Variants in STIM1 observed in about 807,000 individuals in gnomAD.
STIM1 encodes the protein stromal interaction molecule 1.
In STIM1, 25 loss-of-function variants were observed where a neutral mutation model predicts 74.7. That is an observed-to-expected ratio of 0.33 (90% confidence interval 0.24 to 0.47). The LOEUF (loss-of-function observed/expected upper bound fraction) is 0.47. Ranked by LOEUF, STIM1 falls within the 20% of genes least tolerant of loss-of-function variation. The pLI is 1.00. For missense variants in STIM1, 728 were observed against 920.8 expected (o/e 0.79, Z 2.71); for synonymous variants, 328 against 348.8 (o/e 0.94, Z 0.66).
Position 3,855,845 on chromosome 11 carries a change from G to A in STIM1, c.-426G>A, listed in dbSNP as rs1307372610. 5 of 202,968 alleles carry A rather than the reference G, an allele frequency of 2.5e-5. No homozygotes were observed. Among genetic ancestry groups the A allele is most frequent in the South Asian group, 6.8e-5 (1 of 14,814 alleles). 12.6% of individuals were successfully genotyped at this position (202,968 alleles called of 1,614,324 possible). ...CCCTCCCCAGCTTCTGCTGCTCGCC[G>A]CTCTTCGGCAGGGCGAGGTCAGGTG... On this transcript the variant is annotated 5_prime_UTR_variant, in exon 1 of 13. Coordinates refer to ENST00000526596, the MANE Select transcript of STIM1 (RefSeq NM_001382567.1).
At chr11:3,969,152 G>A (rs1367736446) in intron 2 of STIM1, among the ~76,000 whole-genome samples, 2 of 152,202 alleles carry the variant, frequency 1.3e-5, no homozygotes, top group Admixed American at 1.3e-4. Context: ...TTGGTAGACA[G>A]TGAACTCCCT....
chr11:3,914,675 C>T (rs546521769), intron 1 of STIM1, among the ~76,000 whole-genome samples: 45 of 152,086 alleles, frequency 3.0e-4, no homozygotes, highest in Non-Finnish European at 6.2e-4. Flanking sequence ...CTCCTGACCT[C>T]GTGATCCGCC....
At chr11:3,973,988 A>T (rs2093421284) in intron 2 of STIM1, 1 of 672,276 alleles carries the variant, frequency 1.5e-6, no homozygotes, top group Non-Finnish European at 2.7e-6. Flanking sequence ...TTCTCTTGAT[A>T]CAGCTCTTCT....
rs2094507761 is a variant in STIM1 at position 4,088,841 on chromosome 11, A to C, written c.1634+2298A>C. On this transcript the variant is annotated intron_variant, in intron 12 of 12. Coordinates refer to ENST00000526596, the MANE Select transcript of STIM1 (RefSeq NM_001382567.1). Reference sequence around the variant, plus strand: ...CAGGGAGGGAAGGTGAGCCTGCCTCACTGGGCCTTTTCCCTCCTATATCTC... The same window carrying C: ...CAGGGAGGGAAGGTGAGCCTGCCTCCCTGGGCCTTTTCCCTCCTATATCTC... The C allele has an allele frequency of 3.6e-5, 45 of 1,235,144 alleles. No individual in the cohort carries two copies. The South Asian group carries it at 5.7e-4, about 16-fold the overall frequency. 76.5% of individuals were successfully genotyped at this position (1,235,144 alleles called of 1,614,324 possible).
intron 2 of STIM1, among the ~76,000 whole-genome samples, chr11:3,982,046 A>G (rs774205689): frequency 1.1e-4 from 16 of 151,094 alleles, no homozygotes; most frequent in Non-Finnish European, 2.1e-4. Flanking sequence ...TTTTGTTTTG[A>G]AATAGAGTCT....
At chr11:3,930,654 C>G (rs1383957913) in intron 1 of STIM1, among the ~76,000 whole-genome samples, 1 of 152,174 alleles carries the variant, frequency 6.6e-6, no homozygotes, top group African/African-American at 2.4e-5. Flanking sequence ...GCTTGGCGTA[C>G]AAGGCATTCA....
At position 4,042,550 on chromosome 11, in the gene STIM1, GT is replaced by G. The variant is rs572334776; in HGVS notation, c.386-12970del. 5.5e-3 allele frequency among the ~76,000 whole-genome samples: 833 copies of G among 152,204 alleles called. 8 individuals are homozygous for G. Among genetic ancestry groups the G allele is most frequent in the African/African-American group, 0.019 (802 of 41,522 alleles). ...GGCAAGTAGTAGCTGCTCAATAAAT[GT>G]TTTTTCCCCCTAATGAATATATTAT... On this transcript the variant is annotated intron_variant, in intron 3 of 12. Coordinates refer to ENST00000526596, the MANE Select transcript of STIM1 (RefSeq NM_001382567.1).
intron 1 of STIM1, among the ~76,000 whole-genome samples, chr11:3,857,290 C>T (rs2090424383): frequency 6.6e-6 from 1 of 151,648 alleles, no homozygotes; most frequent in Admixed American, 6.6e-5. Flanking sequence ...CTTGATCTGT[C>T]GTCCAAGCTG....
intron 3 of STIM1, among the ~76,000 whole-genome samples, chr11:4,053,541 TGGACACAG>T (rs2094261600): frequency 7.1e-6 from 1 of 140,284 alleles, no homozygotes; most frequent in South Asian, 2.2e-4. Flanking sequence ...TGAGAACACT[TGGACACAG>T]GAAGGGGAAC....
At chr11:4,084,616 C>A in intron 10 of STIM1, 57 bp from the exon 11 acceptor site, 1 of 1,262,978 alleles carries the variant, frequency 7.9e-7, no homozygotes, top group Non-Finnish European at 1.0e-6. Flanking sequence ...TGATGGCAGG[C>A]CGAAGCCCTC....
chr11:3,917,230 G>A (rs527916585), intron 1 of STIM1, among the ~76,000 whole-genome samples: 1 of 152,156 alleles, frequency 6.6e-6, no homozygotes, highest in Admixed American at 6.5e-5. Flanking sequence ...ATGTAGTCAG[G>A]TAGCAAGTCT....
At chr11:3,915,083 G>C (rs1029715783) in intron 1 of STIM1, among the ~76,000 whole-genome samples, 1 of 151,900 alleles carries the variant, frequency 6.6e-6, no homozygotes, top group Non-Finnish European at 1.5e-5. Context: ...GTGTATTTAA[G>C]TCCTTTGTCC....
At chr11:3,891,855 A>G (rs979926767) in intron 1 of STIM1, among the ~76,000 whole-genome samples, 1 of 152,214 alleles carries the variant, frequency 6.6e-6, no homozygotes, top group Admixed American at 6.5e-5. Flanking sequence ...TGAATATTTT[A>G]GGCTTGATGG....
At chr11:4,035,832 G>T (rs1415727929) in intron 3 of STIM1, among the ~76,000 whole-genome samples, 8 of 145,878 alleles carry the variant, frequency 5.5e-5, no homozygotes, top group African/African-American at 2.0e-4. Context: ...TGTCAATCAG[G>T]TCTGTTTTTG....
At position 3,856,123 on chromosome 11, in the gene STIM1, A is replaced by C. The variant is rs1242302936; in HGVS notation, c.-148A>C. 1 of 1,010,906 alleles carries C rather than the reference A, an allele frequency of 9.9e-7. No individual in the cohort carries two copies. Among genetic ancestry groups the C allele is most frequent in the Non-Finnish European group, 1.5e-6 (1 of 665,722 alleles). 62.6% of individuals were successfully genotyped at this position (1,010,906 alleles called of 1,614,324 possible). On this transcript the variant is annotated 5_prime_UTR_variant, in exon 1 of 13. Coordinates refer to ENST00000526596, the MANE Select transcript of STIM1 (RefSeq NM_001382567.1). ...GGAGCACTTGACCTTTGGCTGTTGG[A>C]GGGGGCAGGCTCGCGGGTGGCTGGA... is the stretch of plus-strand genomic sequence containing the variant.
intron 1 of STIM1, among the ~76,000 whole-genome samples, chr11:3,909,851 T>C (rs1463242723): frequency 1.3e-5 from 2 of 149,922 alleles, no homozygotes; most frequent in East Asian, 1.9e-4. Flanking sequence ...CAATAACATA[T>C]GTAAAGAAGA....
In STIM1 at chr11:4,074,571, C is replaced by A; in HGVS notation, c.861C>A (p.Arg287=). 3 of 1,614,014 alleles carry A rather than the reference C, an allele frequency of 1.9e-6. No homozygotes were observed. In the South Asian group the frequency reaches 3.3e-5, roughly 18 times the overall value. The change falls in exon 7 of 13, where the codon CGC becomes CGA. Residue 287 remains arginine, a synonymous_variant. Transcript: ENST00000526596. ...VEKVHLEKKL[R]DEINLAKQEA... ...AGGTCCATCTGGAAAAGAAGCTGCG[C>A]GATGAGATCAACCTTGCTAAGCAGG...
intron 6 of STIM1, among the ~76,000 whole-genome samples, chr11:4,072,415 T>G (rs2094409592): frequency 6.6e-6 from 1 of 152,220 alleles, no homozygotes; most frequent in South Asian, 2.1e-4. Flanking sequence ...TCATTGAGTT[T>G]CAAGATAATT....
At chr11:4,027,378 C>G (rs185321039) in intron 3 of STIM1, among the ~76,000 whole-genome samples, 215 of 152,136 alleles carry the variant, frequency 1.4e-3, no homozygotes, top group Middle Eastern at 6.8e-3. Flanking sequence ...GTGGCGCAAT[C>G]TCAGCTCACT....
Sources: gnomAD v4.1 joint callset for allele counts (sites outside exome capture counted in the v4.1 genomes callset) on GRCh38, gnomAD v4.1.1 for gene constraint, MANE v1.5 for transcripts, NCBI Gene and HGNC (gene_info 2026-07-23, HGNC 2026-07-21) for gene names.